The following FNIP2 variants were observed in gnomAD, a reference collection of about 807,000 sequenced individuals.
FNIP2 encodes folliculin-interacting protein 2.
FNIP2 carries 32 observed loss-of-function variants against 108.7 expected under a neutral mutation model. That is an observed-to-expected ratio of 0.29 (90% CI 0.22 to 0.40). The LOEUF is 0.40. Among genes scored for constraint, FNIP2 ranks in the 10% least tolerant of loss-of-function variants. FNIP2 has a pLI of 1.00. For synonymous variants in FNIP2, 480 were observed against 496.7 expected (o/e 0.97, Z 0.45); for missense variants, 1,202 against 1,381.6 (o/e 0.87, Z 2.06).
intron 1 of FNIP2, among the ~76,000 whole-genome samples, chr4:158,804,970 T>A (rs1454822522): frequency 6.6e-6 from 1 of 152,230 alleles, no homozygotes; most frequent in Non-Finnish European, 1.5e-5. Context: ...GAATTTCAGC[T>A]ATTTTTTGAG....
chr4:158,874,411 A>T (rs1781134711), intron 14 of FNIP2, among the ~76,000 whole-genome samples: 2 of 149,308 alleles, frequency 1.3e-5, no homozygotes, highest in Non-Finnish European at 3.0e-5. Flanking sequence ...GCCAAATGTG[A>T]TAGCTCACCC....
chr4:158,879,650 A>G (rs1417511978), intron 14 of FNIP2, among the ~76,000 whole-genome samples: 3 of 150,436 alleles, frequency 2.0e-5, no homozygotes, highest in Non-Finnish European at 4.4e-5. Flanking sequence ...ATCAGAGTGA[A>G]CAGGCAACCT....
At chr4:158,814,460 T>C (rs954419900) in intron 1 of FNIP2, among the ~76,000 whole-genome samples, 3 of 152,242 alleles carry the variant, frequency 2.0e-5, no homozygotes, top group African/African-American at 7.2e-5. Context: ...TTTGTGCATG[T>C]GCTGTGCAGT....
Position 158,835,661 on chromosome 4 carries a change from C to T in FNIP2, c.727+185C>T, listed in dbSNP as rs1021362314. On this transcript the variant is annotated intron_variant, in intron 7 of 16. Transcript: ENST00000264433. The stretch of plus-strand genomic sequence containing the variant: ...ACAGTATCCATGAGTGATTGTGCAA[C>T]ATAAACTAGTTTTTTCTAACACTCA... 4 of 416,086 alleles carry T rather than the reference C, an allele frequency of 9.6e-6. No homozygotes were observed. In the Admixed American group the frequency reaches 1.5e-4, roughly 16 times the overall value. 25.8% of individuals were successfully genotyped at this position (416,086 alleles called of 1,614,324 possible).
intron 14 of FNIP2, among the ~76,000 whole-genome samples, chr4:158,885,671 C>T (rs1781989656): frequency 1.3e-5 from 2 of 152,182 alleles, no homozygotes; most frequent in African/African-American, 4.8e-5. Context: ...ATTTTTCTCA[C>T]AGAAAACTTG....
rs1347034023 is a variant in FNIP2 at position 158,906,302 on chromosome 4, G to A, written c.*1758G>A. The A allele has an allele frequency of 6.6e-6, 1 of 152,142 alleles. No individual in the cohort carries two copies. The highest frequency in any genetic ancestry group is 1.5e-5 in the Non-Finnish European group (1 of 68,016). The allele number at this position is 152,142 out of a possible 1,614,324, so 9.4% of individuals were successfully genotyped here. A position where few individuals can be genotyped will look rare whatever the true frequency, so the allele number is the denominator to read the frequency against. ...GTGTAAATAAACTGTCAGAGCTGAT[G>A]TTACAGCTTTTACAGTTTAAAGCAT... On this transcript the variant is annotated 3_prime_UTR_variant, in exon 17 of 17. Coordinates refer to ENST00000264433, the MANE Select transcript of FNIP2 (RefSeq NM_020840.3).
At chr4:158,769,470 C>T (rs55960593) in intron 1 of FNIP2, among the ~76,000 whole-genome samples, 151 bp downstream of exon 1, 44,317 of 152,062 alleles carry the variant, frequency 0.29, 7,201 homozygotes, top group Non-Finnish European at 0.38. Flanking sequence ...AGCGTGGACG[C>T]GCCTGATCCG....
At chr4:158,875,103 AAAAG>A (rs1315512226) in intron 14 of FNIP2, among the ~76,000 whole-genome samples, 2 of 151,472 alleles carry the variant, frequency 1.3e-5, no homozygotes, top group Non-Finnish European at 2.9e-5. Context: ...AAAAAAAAAG[AAAAG>A]AAAGAGAAAA....
intron 6 of FNIP2, chr4:158,833,902 A>G (rs1778626603): frequency 7.2e-7 from 1 of 1,391,378 alleles, no homozygotes; most frequent in Non-Finnish European, 9.4e-7. Context: ...TTTGTGTGGA[A>G]TGCTGAGTAC....
At chr4:158,861,548 T>C (rs1780298840) in intron 11 of FNIP2, 59 bp from the exon 12 acceptor site, 1 of 1,613,552 alleles carries the variant, frequency 6.2e-7, no homozygotes, top group African/African-American at 1.3e-5. Context: ...GTGTACTGCA[T>C]AGGATGTGCC....
chr4:158,854,862 T>TG (rs1304532167), intron 8 of FNIP2, among the ~76,000 whole-genome samples: 1 of 152,152 alleles, frequency 6.6e-6, no homozygotes, highest in Admixed American at 6.5e-5. Context: ...CCCTCCGAAA[T>TG]GGGAGGGTCT....
chr4:158,816,843 A>G (rs528510168), intron 1 of FNIP2, among the ~76,000 whole-genome samples: 42 of 152,076 alleles, frequency 2.8e-4, no homozygotes, highest in Middle Eastern at 3.4e-3. Context: ...ATGGAGATGA[A>G]CAGTAAAGCT....
In FNIP2 at chr4:158,769,189, G is replaced by C; in HGVS notation, c.-24G>C. The C allele has an allele frequency of 7.7e-7, 1 of 1,291,704 alleles. No homozygotes were observed. Among genetic ancestry groups the C allele is most frequent in the Non-Finnish European group, 1.0e-6 (1 of 998,970 alleles). 80.0% of individuals were successfully genotyped at this position (1,291,704 alleles called of 1,614,324 possible). A position where few individuals can be genotyped will look rare whatever the true frequency, so the allele number is the denominator to read the frequency against. ...GAGCCGCCGGCCCCCCGAGCGCCAC[G>C]GCCGGAGCTGCGGCGGCGGCATCAT... On this transcript the variant is annotated 5_prime_UTR_variant, in exon 1 of 17. Coordinates refer to ENST00000264433, the MANE Select transcript of FNIP2 (RefSeq NM_020840.3).
intron 7 of FNIP2, among the ~76,000 whole-genome samples, chr4:158,842,998 A>G (rs1779209570): frequency 6.6e-6 from 1 of 152,180 alleles, no homozygotes. Context: ...TACCTTTTAA[A>G]TGCTCCTGTG....
chr4:158,854,616 C>CTA lies in FNIP2; in HGVS notation c.857+3166_857+3167insTA, dbSNP rs34421344. Among the ~76,000 whole-genome samples the CTA allele has an allele frequency of 1.3e-3, 198 of 152,286 alleles. 1 individual carries two copies. The Middle Eastern group carries it at 0.031, about 24-fold the overall frequency. On this transcript the variant is annotated intron_variant, in intron 8 of 16. Coordinates refer to ENST00000264433, the MANE Select transcript of FNIP2 (RefSeq NM_020840.3). ...GAGAAACATAACAATTTTATTTAGTCAAAGTTTCACATGACATGGAGCCTT... is the reference window on the plus strand; with the variant it reads ...GAGAAACATAACAATTTTATTTAGTCTAAAAGTTTCACATGACATGGAGCCTT...
At position 158,769,173 on chromosome 4, in the gene FNIP2, G is replaced by GC. The variant is rs1775604790; in HGVS notation, c.-34dup. The GC allele has an allele frequency of 2.7e-6, 3 of 1,130,372 alleles. No individual in the cohort carries two copies. Among genetic ancestry groups the GC allele is most frequent in the South Asian group, 1.9e-5 (1 of 52,568 alleles). 70.0% of individuals were successfully genotyped at this position (1,130,372 alleles called of 1,614,324 possible). On this transcript the variant is annotated 5_prime_UTR_variant, in exon 1 of 17. Coordinates refer to ENST00000264433, the MANE Select transcript of FNIP2 (RefSeq NM_020840.3). ...CCCCCGGCTGCGCGCTGAGCCGCCG[G>GC]CCCCCCGAGCGCCACGGCCGGAGCT...
In FNIP2 at chr4:158,859,608, T is replaced by G; in HGVS notation, c.1090T>G (p.Ser364Ala). 6.2e-7 allele frequency: 1 copy of G among 1,613,576 alleles called. No homozygotes were observed. Among genetic ancestry groups the G allele is most frequent in the Middle Eastern group, 1.6e-4 (1 of 6,062 alleles). Reference sequence around the variant, plus strand: ...GATCTCCTGTAGGAAAATAGCAGAATCAAGTCTCCGAGTCCAGTTTTATGT... The same window carrying G: ...GATCTCCTGTAGGAAAATAGCAGAAGCAAGTCTCCGAGTCCAGTTTTATGT... ...AMISCRKIAE[S>A]SLRVQFYVSR... Residue 364 changes from serine to alanine, a missense_variant, in exon 10 of 17, where the codon TCA becomes GCA. Ser to Ala is a moderately conservative substitution (Grantham distance 99). Around this residue, in one of 5 missense-constraint regions of FNIP2, gnomAD observed 878 missense variants for 990.3 expected, o/e 0.89. Transcript: ENST00000264433.
chr4:158,885,642 A>G (rs1203407416), intron 14 of FNIP2, among the ~76,000 whole-genome samples: 3 of 152,202 alleles, frequency 2.0e-5, no homozygotes, highest in Admixed American at 6.5e-5. Flanking sequence ...GTTGGGTTCT[A>G]TGCTACACGT....
chr4:158,792,560 C>G (rs1484308763), intron 1 of FNIP2, among the ~76,000 whole-genome samples: 1 of 152,082 alleles, frequency 6.6e-6, no homozygotes, highest in Non-Finnish European at 1.5e-5. Flanking sequence ...GTTAATGAAG[C>G]AACAATATGC....
Sources: allele counts gnomAD v4.1 joint callset (sites outside exome capture counted in the v4.1 genomes callset), GRCh38; gene constraint gnomAD v4.1.1; regional missense constraint gnomAD v4.1.1; transcripts MANE v1.5; gene names NCBI Gene and HGNC (gene_info 2026-07-23, HGNC 2026-07-21).